COL15A1: variants seen among roughly 807,000 people sequenced by gnomAD.
The protein encoded by COL15A1 is collagen type XV alpha 1 chain.
A neutral mutation model predicts 165.9 loss-of-function variants in COL15A1; 111 were observed. The observed-to-expected ratio is 0.67, with a 90% CI of 0.57 to 0.78. The LOEUF is 0.78. COL15A1 is among the 30% of genes least tolerant of loss of function. The pLI is 0.00. For missense variants in COL15A1, 1,745 were observed against 1,789.7 expected, an observed-to-expected ratio of 0.98 and a Z score of 0.45; for synonymous variants, 659 against 674.8, an observed-to-expected ratio of 0.98 and a Z score of 0.36.
At chr9:98,989,065 C>T (rs1588503991) in intron 4 of COL15A1, 113 bp from the exon 5 acceptor site, 4 of 739,412 alleles carry the variant, frequency 5.4e-6, no homozygotes, top group South Asian at 3.0e-5. Flanking sequence ...CACACACACA[C>T]GGTTTCCCTG....
intron 11 of COL15A1, among the ~76,000 whole-genome samples, chr9:99,018,389 T>C (rs966181831): frequency 1.3e-5 from 2 of 152,348 alleles, no homozygotes; most frequent in East Asian, 3.9e-4. Context: ...CTGGTAAGGC[T>C]GGCTGTGCTC....
chr9:99,065,438 C>A (rs1298028593), intron 39 of COL15A1, among the ~76,000 whole-genome samples: 1 of 151,968 alleles, frequency 6.6e-6, no homozygotes, highest in Non-Finnish European at 1.5e-5. Flanking sequence ...GCAGTATAGT[C>A]AGATGGCAAG....
intron 4 of COL15A1, among the ~76,000 whole-genome samples, chr9:98,988,072 A>G (rs1175849938): frequency 6.6e-6 from 1 of 152,224 alleles, no homozygotes; most frequent in Non-Finnish European, 1.5e-5. Context: ...CCTCCCAGGG[A>G]GAAGGGGTCC....
At chr9:99,002,849 A>G (rs890544740) in intron 7 of COL15A1, among the ~76,000 whole-genome samples, 2 of 152,222 alleles carry the variant, frequency 1.3e-5, no homozygotes, top group African/African-American at 4.8e-5. Flanking sequence ...TTTTGTAACC[A>G]AAAGAACCAC....
intron 9 of COL15A1, among the ~76,000 whole-genome samples, chr9:99,011,203 T>C (rs2118976788): frequency 6.6e-6 from 1 of 152,286 alleles, no homozygotes; most frequent in East Asian, 1.9e-4. Flanking sequence ...ATTTTGTAGT[T>C]CAAACCAATT....
chr9:99,062,336 A>C, intron 38 of COL15A1, 32 bp downstream of exon 38: 1 of 1,517,820 alleles, frequency 6.6e-7, no homozygotes, highest in Non-Finnish European at 9.2e-7. Flanking sequence ...CTGCTCATGC[A>C]TTCATTTATC....
At chr9:99,013,565 A>AG (rs1412989757) in intron 9 of COL15A1, among the ~76,000 whole-genome samples, 14 of 150,298 alleles carry the variant, frequency 9.3e-5, no homozygotes, top group African/African-American at 3.2e-4. Context: ...AAAAAAAAAA[A>AG]CAGCTAAGAC....
intron 6 of COL15A1, among the ~76,000 whole-genome samples, chr9:98,998,626 A>G (rs954745591): frequency 2.0e-5 from 3 of 152,166 alleles, no homozygotes; most frequent in Admixed American, 6.5e-5. Context: ...ATCTGGCCGC[A>G]GTTGTGGAAG....
At chr9:99,026,387 C>G (rs1839124713) in intron 16 of COL15A1, among the ~76,000 whole-genome samples, 1 of 152,200 alleles carries the variant, frequency 6.6e-6, no homozygotes, top group Admixed American at 6.5e-5. Context: ...CAGTTGCTGT[C>G]CCATTCTCTC....
chr9:98,979,968 G>A (rs1281507606), intron 2 of COL15A1, among the ~76,000 whole-genome samples: 1 of 152,042 alleles, frequency 6.6e-6, no homozygotes, highest in Non-Finnish European at 1.5e-5. Context: ...ACCAACGTAG[G>A]CAATATAGCG....
chr9:99,052,548 C>T (rs1588535099), intron 31 of COL15A1, 115 bp downstream of exon 31: 2 of 859,062 alleles, frequency 2.3e-6, no homozygotes, highest in South Asian at 2.8e-5. Flanking sequence ...TAACTGGATG[C>T]TGTAGGGGTG....
intron 9 of COL15A1, among the ~76,000 whole-genome samples, chr9:99,009,097 G>A (rs1015182083): frequency 1.3e-5 from 2 of 152,196 alleles, no homozygotes; most frequent in African/African-American, 4.8e-5. Context: ...TGGGAGCCTT[G>A]GAAGTTTTTT....
chr9:99,013,283 G>T (rs1838875222), intron 9 of COL15A1, among the ~76,000 whole-genome samples: 1 of 152,020 alleles, frequency 6.6e-6, no homozygotes, highest in Non-Finnish European at 1.5e-5. Flanking sequence ...TGCATGTCAT[G>T]GGGGGGTCAA....
rs1319947886 is a variant in COL15A1 at position 99,063,151 on chromosome 9, A to G, written c.3651+42A>G. On this transcript the variant is annotated intron_variant, in intron 39 of 41. Coordinates refer to ENST00000375001, the MANE Select transcript of COL15A1 (RefSeq NM_001855.5). ...CATTTAATCTTCAAATACTGAGTGT[A>G]TATCTGCTAAGTGCTAGGTCTCATG... 4.5e-6 allele frequency: 7 copies of G among 1,549,340 alleles called. No individual in the cohort carries two copies. In the African/African-American group the frequency reaches 8.5e-5, roughly 19 times the overall value.
intron 2 of COL15A1, among the ~76,000 whole-genome samples, chr9:98,964,176 C>T (rs1464836534): frequency 6.6e-6 from 1 of 152,256 alleles, no homozygotes; most frequent in Non-Finnish European, 1.5e-5. Context: ...GGCTGGTCCT[C>T]CTGGGGTTCC....
intron 4 of COL15A1, among the ~76,000 whole-genome samples, chr9:98,988,606 C>G (rs1214123322): frequency 1.3e-5 from 2 of 152,066 alleles, no homozygotes; most frequent in African/African-American, 4.8e-5. Flanking sequence ...TCTGTTAGAG[C>G]AATAAAATGT....
rs764540735 is a variant in COL15A1, at chr9:99,004,982, A to G, written c.1285A>G (p.Ser429Gly). 1.2e-6 allele frequency: 2 copies of G among 1,614,018 alleles called. No homozygotes were observed. The highest frequency in any genetic ancestry group is 1.7e-5 in the Admixed American group (1 of 59,998). ...CAGCATGCCTGGGGAAGTGGAGGCC[A>G]GTGGTGTGGCCCCCGGGGAGCTGGA... ...LASMPGEVEA[S>G]GVAPGELDLS... Residue 429 changes from serine (S) to glycine (G), a missense_variant, in exon 9 of 42, where the codon AGT (serine) becomes GGT (glycine). Transcript: ENST00000375001.
intron 2 of COL15A1, among the ~76,000 whole-genome samples, chr9:98,952,424 C>A (rs1173775771): frequency 6.6e-6 from 1 of 152,192 alleles, no homozygotes; most frequent in Non-Finnish European, 1.5e-5. Flanking sequence ...CTCTACTCAT[C>A]TTATTCCTGA....
intron 4 of COL15A1, among the ~76,000 whole-genome samples, chr9:98,988,573 G>C (rs766970003): frequency 6.6e-6 from 1 of 152,188 alleles, no homozygotes; most frequent in African/African-American, 2.4e-5. Context: ...ATATGTTAGA[G>C]AGAGTGAGAA....
Sources: allele counts gnomAD v4.1 joint callset (sites outside exome capture counted in the v4.1 genomes callset), GRCh38; gene constraint gnomAD v4.1.1; transcripts MANE v1.5; gene names NCBI Gene and HGNC (gene_info 2026-07-23, HGNC 2026-07-21).